Variants in PITRM1 observed in about 807,000 individuals in gnomAD.
PITRM1 encodes pitrilysin metallopeptidase 1.
Under a neutral mutation model 129.9 loss-of-function variants are expected in PITRM1, and 100 were observed. The observed-to-expected ratio is 0.77, with a 90% confidence interval of 0.65 to 0.91. The LOEUF (loss-of-function observed/expected upper bound fraction) is 0.91. PITRM1 is among the 40% of genes least tolerant of loss of function. The pLI is 0.00. For missense variants in PITRM1, 1,471 were observed against 1,318.3 expected (o/e 1.12, Z -1.79); for synonymous variants, 591 against 508.8 (o/e 1.16, Z -2.17).
intron 7 of PITRM1, among the ~76,000 whole-genome samples, chr10:3,161,143 T>C (rs1014113867): frequency 4.6e-5 from 7 of 152,186 alleles, no homozygotes; most frequent in East Asian, 1.9e-4. Context: ...CCTCCCATCT[T>C]GGCCTCCGTA....
chr10:3,138,246 G>C lies in PITRM1; in HGVS notation c.3009C>G (p.Ala1003=), dbSNP rs749521401. The change falls in exon 26 of 27, where the codon GCC becomes GCG. Residue 1003 remains alanine, a synonymous_variant. Coordinates refer to ENST00000224949, the MANE Select transcript of PITRM1 (RefSeq NM_014889.4). ...CGCTCCCCACTCACCTATCGCTCAC[G>C]GCCAGGAGCTTGTCGTGGCTGACAG... is the stretch of plus-strand genomic sequence containing the variant. ...LFAVSHDKLL[A]VSDRYLGTGK... 3.1e-6 allele frequency: 5 copies of C among 1,612,692 alleles called. No homozygotes were observed. Among genetic ancestry groups the C allele is most frequent in the East Asian group, 2.2e-5 (1 of 44,880 alleles).
In PITRM1 at chr10:3,149,763, C is replaced by G. The variant is rs573701006; in HGVS notation, c.1739-10G>C. The G allele has an allele frequency of 1.9e-6, 3 of 1,613,352 alleles. No individual in the cohort carries two copies. In the South Asian group the frequency reaches 3.3e-5, roughly 18 times the overall value. ...ACAGGGATATCTCCAGCTAGAAAAACAAAAGGGATTTAATTTTTATTGCTG... is the reference window on the plus strand; with the variant it reads ...ACAGGGATATCTCCAGCTAGAAAAAGAAAAGGGATTTAATTTTTATTGCTG... On this transcript the variant is annotated splice_polypyrimidine_tract_variant and intron_variant, in intron 15 of 26. Transcript: ENST00000224949.
intron 23 of PITRM1, among the ~76,000 whole-genome samples, chr10:3,142,691 C>T (rs566724558): frequency 1.3e-5 from 2 of 152,330 alleles, no homozygotes; most frequent in East Asian, 3.9e-4. Flanking sequence ...CAGGCCTGAC[C>T]CTGACTCTTG....
chr10:3,143,527 C>A, intron 22 of PITRM1, 26 bp from the exon 23 acceptor site: 1 of 1,515,842 alleles, frequency 6.6e-7, no homozygotes, highest in Non-Finnish European at 9.2e-7. Context: ...TGGTCAGAGG[C>A]GGCTGTGCTG....
At chr10:3,146,153 G>C (rs750015873) in intron 20 of PITRM1, 1 of 165,724 alleles carries the variant, frequency 6.0e-6, no homozygotes, top group Non-Finnish European at 1.3e-5. Flanking sequence ...TGCTCTCAAA[G>C]TTACATGAAA....
At chr10:3,139,346 G>C (rs1165176103) in intron 24 of PITRM1, among the ~76,000 whole-genome samples, 1 of 152,212 alleles carries the variant, frequency 6.6e-6, no homozygotes, top group Middle Eastern at 3.2e-3. Flanking sequence ...AAAGTCAGTG[G>C]AGGGTAGGGG....
chr10:3,165,622 T>A, intron 4 of PITRM1, 95 bp from the exon 5 acceptor site: 1 of 765,822 alleles, frequency 1.3e-6, no homozygotes, highest in Non-Finnish European at 2.2e-6. Context: ...CCTAGGACAG[T>A]AAGCTGTAGC....
At position 3,147,669 on chromosome 10, in the gene PITRM1, C is replaced by T. The variant is rs1841041325; in HGVS notation, c.2138G>A (p.Gly713Glu). The stretch of plus-strand genomic sequence containing the variant: ...GTACAGGTGCCCAGAGTCAGGAATT[C>T]CATTGGCGAGCTCCTGGGCGGTCAT... The part of the protein sequence containing the change: ...VKMTAQELAN[G>E]IPDSGHLYAS... The change falls in exon 19 of 27, where the codon GGA becomes GAA. Residue 713 changes from glycine to glutamate, a missense_variant. Transcript: ENST00000224949. 3.7e-6 allele frequency: 6 copies of T among 1,613,724 alleles called. No homozygotes were observed. The highest frequency in any genetic ancestry group is 5.1e-6 in the Non-Finnish European group (6 of 1,179,754).
chr10:3,139,494 G>A (rs762717987), intron 24 of PITRM1, among the ~76,000 whole-genome samples: 3 of 151,858 alleles, frequency 2.0e-5, no homozygotes, highest in Admixed American at 6.6e-5. Flanking sequence ...ACTTCCCTTC[G>A]TGTAAATGCA....
chr10:3,166,293 C>A lies in PITRM1; in HGVS notation c.354G>T (p.Pro118=). ...ACATTTTGAAGAAAGGGTCTCTGCA[C>A]GGATATTTCTGAGACCCACAAAGGA... ...HTVLCGSQKY[P]CRDPFFKMLN... The change falls in exon 4 of 27, where the codon CCG becomes CCT. Residue 118 remains proline, a synonymous_variant. Coordinates refer to ENST00000224949, the MANE Select transcript of PITRM1 (RefSeq NM_014889.4). 6.2e-7 allele frequency: 1 copy of A among 1,611,430 alleles called. No individual in the cohort carries two copies. Among genetic ancestry groups the A allele is most frequent in the Non-Finnish European group, 8.5e-7 (1 of 1,178,680 alleles).
In PITRM1 at chr10:3,151,376, C is replaced by T; in HGVS notation, c.1622-13G>A. 1 of 1,070,894 alleles carries T rather than the reference C, an allele frequency of 9.3e-7. No homozygotes were observed. Among genetic ancestry groups the T allele is most frequent in the Non-Finnish European group, 1.3e-6 (1 of 776,762 alleles). The allele number at this position is 1,070,894 out of a possible 1,614,324, so 66.3% of individuals were successfully genotyped here. ...CGTAATTCTAGACCTAAAAAAGAAA[C>T]AAGAAAAAGGAATATTCAGGGCCAT... On this transcript the variant is annotated splice_polypyrimidine_tract_variant and intron_variant, in intron 14 of 26. Coordinates refer to ENST00000224949, the MANE Select transcript of PITRM1 (RefSeq NM_014889.4).
intron 1 of PITRM1, among the ~76,000 whole-genome samples, chr10:3,171,113 A>G (rs1843294608): frequency 7.3e-6 from 1 of 137,182 alleles, no homozygotes; most frequent in African/African-American, 2.6e-5. Flanking sequence ...GTGTATCGAC[A>G]GAGAATGGAT....
chr10:3,166,564 T>C (rs772830474), intron 3 of PITRM1, among the ~76,000 whole-genome samples, 184 bp from the exon 4 acceptor site: 3 of 152,344 alleles, frequency 2.0e-5, no homozygotes, highest in East Asian at 1.9e-4. Context: ...TTTGATGAGA[T>C]TATAAGTCAG....
Position 3,138,217 on chromosome 10 carries a change from C to G in PITRM1, c.3020+18G>C, listed in dbSNP as rs773472356. On this transcript the variant is annotated intron_variant, in intron 26 of 26. Transcript: ENST00000224949. ...GGGCTTCCAGTCCCAGACGCTGTCT[C>G]CCCCGCTCCCCACTCACCTATCGCT... is the stretch of plus-strand genomic sequence containing the variant. 2.5e-6 allele frequency: 4 copies of G among 1,602,324 alleles called. No homozygotes were observed. The South Asian group carries it at 3.3e-5, about 13-fold the overall frequency.
At chr10:3,139,817 C>T (rs777564306) in intron 24 of PITRM1, among the ~76,000 whole-genome samples, 9 of 152,244 alleles carry the variant, frequency 5.9e-5, no homozygotes, top group Non-Finnish European at 1.3e-4. Context: ...CTTGCCACTG[C>T]GGCCGGCTGG....
chr10:3,166,873 G>C, intron 3 of PITRM1, 63 bp downstream of exon 3: 1 of 1,004,308 alleles, frequency 1.0e-6, no homozygotes, highest in Non-Finnish European at 1.5e-6. Flanking sequence ...GAAGCCAAAA[G>C]AATGGACATT....
intron 1 of PITRM1, chr10:3,172,119 G>A (rs1588741460): frequency 2.2e-6 from 1 of 454,026 alleles, no homozygotes; most frequent in Non-Finnish European, 4.4e-6. Context: ...GTAAGGCCAG[G>A]CCGAACTCAT....
At chr10:3,160,617 G>C (rs1347249361) in intron 7 of PITRM1, among the ~76,000 whole-genome samples, 1 of 152,162 alleles carries the variant, frequency 6.6e-6, no homozygotes, top group South Asian at 2.1e-4. Context: ...TTCATTCACA[G>C]GGCATGGTGC....
At chr10:3,151,878 G>A (rs1200363985) in intron 14 of PITRM1, among the ~76,000 whole-genome samples, 1 of 151,998 alleles carries the variant, frequency 6.6e-6, no homozygotes, top group Non-Finnish European at 1.5e-5. Context: ...TGGGACTAGG[G>A]GTGCAGACCA....
Sources: gnomAD v4.1 joint callset for allele counts (sites outside exome capture counted in the v4.1 genomes callset) on GRCh38, gnomAD v4.1.1 for gene constraint, MANE v1.5 for transcripts, NCBI Gene and HGNC (gene_info 2026-07-23, HGNC 2026-07-21) for gene names.